The following CNTNAP2 variants were observed in gnomAD, a reference collection of about 807,000 sequenced individuals.
CNTNAP2 encodes contactin associated protein 2.
CNTNAP2 carries 98 observed loss-of-function variants against 155.2 expected under a neutral mutation model. That is an observed-to-expected ratio of 0.63 (90% confidence interval 0.54 to 0.75). The LOEUF is 0.75. Among genes scored for constraint, CNTNAP2 ranks in the 30% least tolerant of loss-of-function variants. The pLI, the probability that CNTNAP2 is intolerant of heterozygous loss-of-function variation, is 0.00. For missense variants in CNTNAP2, 1,727 were observed against 1,688.1 expected, an observed-to-expected ratio of 1.02 and a Z score of -0.40; for synonymous variants, 651 against 631.2, an observed-to-expected ratio of 1.03 and a Z score of -0.47.
chr7:147,902,814 A>ATGTGTG lies in CNTNAP2; in HGVS notation c.2099-727_2099-722dup, dbSNP rs71183034. On this transcript the variant is annotated intron_variant, in intron 13 of 23. Coordinates refer to ENST00000361727, the MANE Select transcript of CNTNAP2 (RefSeq NM_014141.6). ...TGTGTGTGTGTGTGTGTGTGTGTGTATGTGTGTGTGTGTGTGTGTGTGTGT... is the reference window on the plus strand; with the variant it reads ...TGTGTGTGTGTGTGTGTGTGTGTGTATGTGTGTGTGTGTGTGTGTGTGTGTGTGTGT... Among the ~76,000 whole-genome samples, 76 of 127,392 alleles carry ATGTGTG rather than the reference A, an allele frequency of 6.0e-4. 2 individuals carry two copies. In the South Asian group the frequency reaches 9.3e-3, roughly 16 times the overall value. 83.6% of individuals were successfully genotyped at this position (127,392 alleles called of 152,430 possible).
At chr7:147,950,946 C>A (rs942559767) in intron 14 of CNTNAP2, among the ~76,000 whole-genome samples, 1 of 152,226 alleles carries the variant, frequency 6.6e-6, no homozygotes, top group African/African-American at 2.4e-5. Context: ...CTGGCCCAAG[C>A]CTCTTTGTCT....
intron 1 of CNTNAP2, among the ~76,000 whole-genome samples, chr7:146,155,766 C>T (rs1798116141): frequency 6.6e-6 from 1 of 151,632 alleles, no homozygotes; most frequent in African/African-American, 2.4e-5. Flanking sequence ...ATGGCGGGAT[C>T]TTGGCTCACT....
intron 1 of CNTNAP2, among the ~76,000 whole-genome samples, chr7:146,223,350 G>C (rs1037972362): frequency 6.6e-6 from 1 of 152,194 alleles, no homozygotes; most frequent in Admixed American, 6.5e-5. Context: ...AAGGAGGAAA[G>C]CTGGAGAACC....
At chr7:146,975,027 T>C (rs931739866) in intron 3 of CNTNAP2, among the ~76,000 whole-genome samples, 15 of 152,184 alleles carry the variant, frequency 9.9e-5, no homozygotes, top group Non-Finnish European at 2.1e-4. Flanking sequence ...GGTATACGTA[T>C]ATTAACTTCT....
chr7:147,803,880 A>T (rs1798046986), intron 13 of CNTNAP2, among the ~76,000 whole-genome samples: 1 of 152,204 alleles, frequency 6.6e-6, no homozygotes, highest in Non-Finnish European at 1.5e-5. Flanking sequence ...GGGGAAACGA[A>T]TCCAATTTAT....
At chr7:147,321,834 G>A (rs371858194) in intron 9 of CNTNAP2, among the ~76,000 whole-genome samples, 3 of 152,222 alleles carry the variant, frequency 2.0e-5, no homozygotes, top group Admixed American at 6.5e-5. Context: ...AATTCCATAT[G>A]CTTTTTAGGC....
intron 1 of CNTNAP2, among the ~76,000 whole-genome samples, chr7:146,343,748 G>A (rs1189408945): frequency 6.6e-6 from 1 of 151,956 alleles, no homozygotes; most frequent in East Asian, 1.9e-4. Flanking sequence ...TTCATTTGTT[G>A]CATTGTTAAA....
At chr7:148,400,261 GC>G (rs1390314685) in intron 22 of CNTNAP2, among the ~76,000 whole-genome samples, 2 of 152,218 alleles carry the variant, frequency 1.3e-5, no homozygotes, top group Non-Finnish European at 2.9e-5. Context: ...CCCTTCCGGG[GC>G]ACCCTGCTGC....
chr7:147,360,679 G>A (rs1428229808), intron 9 of CNTNAP2, among the ~76,000 whole-genome samples: 1 of 151,866 alleles, frequency 6.6e-6, no homozygotes, highest in Non-Finnish European at 1.5e-5. Context: ...GTCACACTGT[G>A]TTCTTTCTGA....
At chr7:148,309,680 T>A (rs986779076) in intron 21 of CNTNAP2, among the ~76,000 whole-genome samples, 1 of 151,338 alleles carries the variant, frequency 6.6e-6, no homozygotes, top group Admixed American at 6.6e-5. Context: ...TTTCACACGA[T>A]AATGTCATCA....
At chr7:147,325,256 C>T (rs199844742) in intron 9 of CNTNAP2, among the ~76,000 whole-genome samples, 46 of 152,216 alleles carry the variant, frequency 3.0e-4, no homozygotes, top group African/African-American at 7.2e-4. Context: ...GCCGAGATCG[C>T]GCCACTACAC....
At chr7:147,807,322 C>CAAAAAAA (rs768465391) in intron 13 of CNTNAP2, among the ~76,000 whole-genome samples, 16 of 64,768 alleles carry the variant, frequency 2.5e-4, no homozygotes, top group African/African-American at 7.9e-4. Context: ...GTCCTTGACT[C>CAAAAAAA]AAAAAAAAAA....
intron 18 of CNTNAP2, among the ~76,000 whole-genome samples, chr7:148,194,187 G>A (rs149201646): frequency 1.5e-3 from 222 of 149,764 alleles, no homozygotes; most frequent in Middle Eastern, 3.5e-3. Flanking sequence ...TTGTAGAGAC[G>A]GGGTTTCACC....
chr7:146,786,477 A>C (rs1802576311), intron 2 of CNTNAP2, among the ~76,000 whole-genome samples: 1 of 152,188 alleles, frequency 6.6e-6, no homozygotes, highest in African/African-American at 2.4e-5. Context: ...TTCTAAAAAA[A>C]TTGTCACTAA....
At chr7:147,854,492 C>A (rs1799003115) in intron 13 of CNTNAP2, among the ~76,000 whole-genome samples, 1 of 152,026 alleles carries the variant, frequency 6.6e-6, no homozygotes, top group African/African-American at 2.4e-5. Flanking sequence ...GAAAGAGTGG[C>A]TAGGATACAT....
At chr7:146,125,022 G>C (rs1007971591) in intron 1 of CNTNAP2, among the ~76,000 whole-genome samples, 1 of 152,082 alleles carries the variant, frequency 6.6e-6, no homozygotes, top group African/African-American at 2.4e-5. Flanking sequence ...GTATACTTAT[G>C]ATTTAAGTCA....
intron 1 of CNTNAP2, among the ~76,000 whole-genome samples, chr7:146,212,819 G>T (rs1271654731): frequency 6.6e-6 from 1 of 152,152 alleles, no homozygotes; most frequent in East Asian, 1.9e-4. Flanking sequence ...CATAGGTGAT[G>T]CTTGGTTTCT....
At chr7:146,634,541 G>A (rs1366546745) in intron 1 of CNTNAP2, among the ~76,000 whole-genome samples, 1 of 152,050 alleles carries the variant, frequency 6.6e-6, no homozygotes, top group Non-Finnish European at 1.5e-5. Context: ...GAAATTAACT[G>A]ATTTTACCCC....
At chr7:147,585,874 A>G (rs533615787) in intron 12 of CNTNAP2, among the ~76,000 whole-genome samples, 1 of 152,186 alleles carries the variant, frequency 6.6e-6, no homozygotes, top group Non-Finnish European at 1.5e-5. Flanking sequence ...AAAATATTTG[A>G]AAAGTTTTAT....
Sources: allele counts gnomAD v4.1 joint callset (sites outside exome capture counted in the v4.1 genomes callset), GRCh38; gene constraint gnomAD v4.1.1; transcripts MANE v1.5; gene names NCBI Gene and HGNC (gene_info 2026-07-23, HGNC 2026-07-21).